Variants in RORB observed in about 807,000 individuals in gnomAD.
RORB encodes the protein nuclear receptor ROR-beta.
Under a neutral mutation model 59.1 loss-of-function variants are expected in RORB, and 6 were observed. The ratio of observed to expected loss-of-function variants is 0.10; its 90% CI spans 0.06 to 0.20. The LOEUF is 0.20. Among genes scored for constraint, RORB ranks in the 10% least tolerant of loss-of-function variants. The pLI, the probability that RORB is intolerant of heterozygous loss-of-function variation, is 1.00. For synonymous variants in RORB, 215 were observed against 204.5 expected (o/e 1.05, Z -0.44); for missense variants, 320 against 560.5 (o/e 0.57, Z 4.33).
intron 1 of RORB, among the ~76,000 whole-genome samples, chr9:74,592,297 C>A (rs2118292037): frequency 6.6e-6 from 1 of 152,266 alleles, no homozygotes; most frequent in Non-Finnish European, 1.5e-5. Context: ...CCATCTCATA[C>A]CTACTGAACC....
At chr9:74,678,344 A>G (rs1824482961) in intron 9 of RORB, among the ~76,000 whole-genome samples, 1 of 152,218 alleles carries the variant, frequency 6.6e-6, no homozygotes, top group African/African-American at 2.4e-5. Flanking sequence ...GAATTGCAGT[A>G]AGTTGGGCCA....
intron 4 of RORB, among the ~76,000 whole-genome samples, chr9:74,654,204 C>T (rs898382415): frequency 1.3e-5 from 2 of 152,144 alleles, no homozygotes; most frequent in African/African-American, 2.4e-5. Context: ...AACCTTATCA[C>T]GCACATCTCA....
intron 1 of RORB, among the ~76,000 whole-genome samples, chr9:74,599,649 CAACCACATTGT>C (rs1823024119): frequency 6.6e-6 from 1 of 152,068 alleles, no homozygotes; most frequent in Admixed American, 6.6e-5. Flanking sequence ...TTCAATATTC[CAACCACATTGT>C]AACCATGTAG....
chr9:74,568,850 A>G (rs188892366), intron 1 of RORB, among the ~76,000 whole-genome samples: 1 of 152,230 alleles, frequency 6.6e-6, no homozygotes, highest in East Asian at 1.9e-4. Flanking sequence ...GTATATTAAA[A>G]TATTTGCAGT....
At chr9:74,528,165 A>G (rs111420516) in intron 1 of RORB, among the ~76,000 whole-genome samples, 65 of 152,098 alleles carry the variant, frequency 4.3e-4, no homozygotes, top group Non-Finnish European at 8.5e-4. Flanking sequence ...AGAGACCTTG[A>G]AGGAAGAGGA....
intron 1 of RORB, among the ~76,000 whole-genome samples, chr9:74,528,854 C>T (rs1316054062): frequency 6.6e-6 from 1 of 151,928 alleles, no homozygotes; most frequent in African/African-American, 2.4e-5. Flanking sequence ...GTGGATATTG[C>T]TATTAATGCC....
At chr9:74,572,106 T>C (rs1336913274) in intron 1 of RORB, among the ~76,000 whole-genome samples, 1 of 152,150 alleles carries the variant, frequency 6.6e-6, no homozygotes, top group Non-Finnish European at 1.5e-5. Flanking sequence ...GAAAGCTAAT[T>C]CCCTAGAGTA....
At chr9:74,527,633 C>T (rs776425969) in intron 1 of RORB, among the ~76,000 whole-genome samples, 1 of 151,840 alleles carries the variant, frequency 6.6e-6, no homozygotes, top group Admixed American at 6.6e-5. Flanking sequence ...TAGCTCAACC[C>T]CCTGGTTTTA....
chr9:74,615,502 T>C, intron 1 of RORB: 1 of 349,890 alleles, frequency 2.9e-6, no homozygotes, highest in East Asian at 8.5e-5. Flanking sequence ...ATGCAGCCTG[T>C]TGGGATTGAA....
chr9:74,668,259 A>G (rs1824298273), intron 8 of RORB, among the ~76,000 whole-genome samples: 1 of 152,260 alleles, frequency 6.6e-6, no homozygotes, highest in Non-Finnish European at 1.5e-5. Flanking sequence ...TGGATGAGAC[A>G]CAGTAGAAAT....
intron 1 of RORB, among the ~76,000 whole-genome samples, chr9:74,562,905 T>A (rs1347510611): frequency 6.6e-6 from 1 of 152,150 alleles, no homozygotes; most frequent in Non-Finnish European, 1.5e-5. Flanking sequence ...CCTTTCTCCC[T>A]CTCCCCCATC....
At chr9:74,558,183 T>G (rs1822336793) in intron 1 of RORB, among the ~76,000 whole-genome samples, 1 of 152,214 alleles carries the variant, frequency 6.6e-6, no homozygotes, top group African/African-American at 2.4e-5. Flanking sequence ...TATATTCCAT[T>G]TGAATTCTCA....
chr9:74,509,529 G>A (rs959971704), intron 1 of RORB, among the ~76,000 whole-genome samples: 1 of 151,972 alleles, frequency 6.6e-6, no homozygotes, highest in African/African-American at 2.4e-5. Flanking sequence ...TGCATTTTTA[G>A]TTTGTGATGT....
At chr9:74,598,618 A>C (rs1823008960) in intron 1 of RORB, among the ~76,000 whole-genome samples, 1 of 152,248 alleles carries the variant, frequency 6.6e-6, no homozygotes, top group African/African-American at 2.4e-5. Context: ...TGAAAACATT[A>C]GAAATTTCCT....
At chr9:74,557,148 G>A (rs1822317248) in intron 1 of RORB, among the ~76,000 whole-genome samples, 1 of 152,134 alleles carries the variant, frequency 6.6e-6, no homozygotes, top group South Asian at 2.1e-4. Flanking sequence ...GATTGAATCA[G>A]TCTAAATGAA....
intron 1 of RORB, among the ~76,000 whole-genome samples, chr9:74,589,944 T>C (rs1231637529): frequency 6.6e-6 from 1 of 152,228 alleles, no homozygotes; most frequent in African/African-American, 2.4e-5. Flanking sequence ...TAGACTTTGG[T>C]GTCAGACTAC....
chr9:74,537,098 G>A (rs1292712799), intron 1 of RORB, among the ~76,000 whole-genome samples: 1 of 151,960 alleles, frequency 6.6e-6, no homozygotes, highest in Non-Finnish European at 1.5e-5. Flanking sequence ...AAGTTATAGA[G>A]CCAGTTAAGA....
intron 4 of RORB, among the ~76,000 whole-genome samples, chr9:74,650,711 G>C (rs960558738): frequency 1.3e-5 from 2 of 152,134 alleles, no homozygotes; most frequent in Admixed American, 6.5e-5. Flanking sequence ...TTTTCAGCAA[G>C]ATTTGTTCTG....
At chr9:74,680,722 A>G (rs1222647490) in intron 9 of RORB, among the ~76,000 whole-genome samples, 1 of 152,206 alleles carries the variant, frequency 6.6e-6, no homozygotes, top group Non-Finnish European at 1.5e-5. Context: ...TGATGTGTTC[A>G]GCTTCACTTT....
Sources: allele counts gnomAD v4.1 joint callset (sites outside exome capture counted in the v4.1 genomes callset), GRCh38; gene constraint gnomAD v4.1.1; transcripts MANE v1.5; gene names NCBI Gene and HGNC (gene_info 2026-07-23, HGNC 2026-07-21).